Variants in MFSD11 observed in about 807,000 individuals in gnomAD.
MFSD11 encodes the protein UNC93-like protein MFSD11.
In MFSD11, 36 loss-of-function variants were observed where a neutral mutation model predicts 53.5. That is an observed-to-expected ratio of 0.67 (90% CI 0.52 to 0.89). The LOEUF is 0.89. Among genes scored for constraint, MFSD11 ranks in the 40% least tolerant of loss-of-function variants. The pLI is 0.00. For missense variants in MFSD11, 530 were observed against 543.9 expected, an observed-to-expected ratio of 0.97 and a Z score of 0.25; for synonymous variants, 186 against 184.9, an observed-to-expected ratio of 1.01 and a Z score of -0.05.
the MFSD11 span, among the ~76,000 whole-genome samples, chr17:76,803,264 A>C: frequency 1.3e-5 from 2 of 152,176 alleles, no homozygotes; most frequent in African/African-American, 4.8e-5. Context: ...TGACCTAACC[A>C]ACTCCATCTT....
chr17:76,774,879 T>C, intron 10 of MFSD11, 118 bp from the exon 11 acceptor site: 1 of 1,056,072 alleles, frequency 9.5e-7, no homozygotes, highest in Non-Finnish European at 1.4e-6. Context: ...GGTGTTGGGT[T>C]TTTTGAAGAA....
At chr17:76,737,342 C>A, upstream of MFSD11, 2 of 757,332 alleles carry the variant, frequency 2.6e-6, no homozygotes, top group Non-Finnish European at 4.0e-6. Flanking sequence ...GGGCGGGCAG[C>A]CGGCCTCTGC....
intron 7 of MFSD11, 73 bp downstream of exon 7, chr17:76,744,539 C>A: frequency 7.3e-7 from 1 of 1,372,076 alleles, no homozygotes; most frequent in African/African-American, 1.5e-5. Flanking sequence ...ATTACCAACC[C>A]GTTTAGCCCT....
chr17:76,742,717 G>C (rs957713239), intron 5 of MFSD11, among the ~76,000 whole-genome samples: 4 of 152,062 alleles, frequency 2.6e-5, no homozygotes, highest in African/African-American at 9.7e-5. Flanking sequence ...TGTTGGCCAG[G>C]CTGGTCTCGA....
chr17:76,741,095 C>T (rs2078041149), intron 3 of MFSD11, 31 bp downstream of exon 3: 1 of 1,236,838 alleles, frequency 8.1e-7, no homozygotes, highest in African/African-American at 1.5e-5. Context: ...CTTATTTAAT[C>T]AGAACACTTG....
chr17:76,736,707 G>C, upstream of MFSD11: 2 of 1,330,690 alleles, frequency 1.5e-6, no homozygotes, highest in East Asian at 3.0e-5. Flanking sequence ...GTCCGGGCCC[G>C]CACCACGTGC....
chr17:76,743,152 T>G (rs1055036977), intron 5 of MFSD11, among the ~76,000 whole-genome samples: 1 of 152,160 alleles, frequency 6.6e-6, no homozygotes, highest in Non-Finnish European at 1.5e-5. Context: ...CAATTCTTCT[T>G]TGAAGGGTGC....
At chr17:76,794,646 A>AG in the MFSD11 span, among the ~76,000 whole-genome samples, 1 of 146,316 alleles carries the variant, frequency 6.8e-6, no homozygotes, top group South Asian at 2.1e-4. Context: ...TGTCTCAAAA[A>AG]AAAAAAAAAA....
At position 76,744,488 on chromosome 17, in the gene MFSD11, A is replaced by G. The variant is rs758241425; in HGVS notation, c.641+22A>G. On this transcript the variant is annotated intron_variant, in intron 7 of 12. Transcript: ENST00000685175. ...ACGAGTAAGATGTTGGAAACATTCT[A>G]TTTTATTTTAAAATAGATTTTGAGT... 5 of 1,598,692 alleles carry G rather than the reference A, an allele frequency of 3.1e-6. 1 individual carries two copies. The highest frequency in any genetic ancestry group is 2.2e-5 in the East Asian group (1 of 44,770).
At chr17:76,789,056 C>T in the MFSD11 span, among the ~76,000 whole-genome samples, 2 of 149,718 alleles carry the variant, frequency 1.3e-5, no homozygotes, top group Non-Finnish European at 1.5e-5. Flanking sequence ...GCAGGAGAAT[C>T]GCTTGAACCC....
At chr17:76,742,404 A>G (rs1848414301) in intron 5 of MFSD11, 131 bp downstream of exon 5, 1 of 722,644 alleles carries the variant, frequency 1.4e-6, no homozygotes, top group South Asian at 1.9e-5. Context: ...ATGTGACGTG[A>G]TTCCAATTTT....
At chr17:76,788,864 G>A in the MFSD11 span, among the ~76,000 whole-genome samples, 13 of 147,898 alleles carry the variant, frequency 8.8e-5, no homozygotes, top group South Asian at 2.3e-4. Context: ...AAATAAGATC[G>A]GACGTGGTGG....
In MFSD11 at chr17:76,776,629, TTTAATTTTTATTTA is replaced by T. The variant is rs1418682910; in HGVS notation, c.1185+91_1185+104del. Reference sequence around the variant, plus strand: ...TTTCCTTGGTTACTTGTATTGTGGTTTTAATTTTTATTTATTTATTTTTATTTTTTTGATAGAGT... The same window carrying T: ...TTTCCTTGGTTACTTGTATTGTGGTTTTTATTTTTATTTTTTTGATAGAGT... On this transcript the variant is annotated intron_variant, in intron 12 of 12. Coordinates refer to ENST00000685175, the MANE Select transcript of MFSD11 (RefSeq NM_001242532.5). This position sits in a 1 kb window ranked among gnomAD's most constrained non-coding sequence, Gnocchi z 4.2. 1 of 1,239,156 alleles carries T rather than the reference TTTAATTTTTATTTA, an allele frequency of 8.1e-7. No individual in the cohort carries two copies. Among genetic ancestry groups the T allele is most frequent in the Non-Finnish European group, 1.1e-6 (1 of 919,534 alleles). The allele number at this position is 1,239,156 out of a possible 1,614,324, so 76.8% of individuals were successfully genotyped here.
intron 5 of MFSD11, 28 bp from the exon 6 acceptor site, chr17:76,743,369 AC>A (rs772672741): frequency 7.0e-7 from 1 of 1,423,492 alleles, no homozygotes; most frequent in Non-Finnish European, 9.7e-7. Context: ...TAATTACCCA[AC>A]ATCCTATCCT....
rs555422186 is a variant in MFSD11 at position 76,770,124 on chromosome 17, G to A, written c.874+253G>A. Among the ~76,000 whole-genome samples the A allele has an allele frequency of 4.1e-5, 6 of 147,416 alleles. No homozygotes were observed. In the South Asian group the frequency reaches 1.3e-3, roughly 32 times the overall value. On this transcript the variant is annotated intron_variant, in intron 10 of 12. Coordinates refer to ENST00000685175, the MANE Select transcript of MFSD11 (RefSeq NM_001242532.5). ...GCGATCTCAGCTCACTGCAAGCTCCGCCTCCCGGGTTCACGCCATTCTTCT... is the reference window on the plus strand; with the variant it reads ...GCGATCTCAGCTCACTGCAAGCTCCACCTCCCGGGTTCACGCCATTCTTCT...
downstream of MFSD11, among the ~76,000 whole-genome samples, chr17:76,783,708 G>A (rs1051259211): frequency 6.6e-6 from 1 of 152,092 alleles, no homozygotes; most frequent in African/African-American, 2.4e-5. Flanking sequence ...ACAGATGCCT[G>A]CCACCACGCC....
At chr17:76,800,220 G>C in the MFSD11 span, among the ~76,000 whole-genome samples, 4 of 152,168 alleles carry the variant, frequency 2.6e-5, no homozygotes, top group Non-Finnish European at 1.5e-5. Context: ...CTCCCAAAGT[G>C]ATGGGATTAC....
intron 8 of MFSD11, among the ~76,000 whole-genome samples, chr17:76,765,854 A>G (rs372216390): frequency 5.3e-5 from 8 of 151,872 alleles, no homozygotes; most frequent in African/African-American, 1.9e-4. Context: ...AACTGGGCAG[A>G]AAGTAGAGTT....
At chr17:76,737,344 G>C (rs1231964625), upstream of MFSD11, 6 of 754,468 alleles carry the variant, frequency 8.0e-6, no homozygotes, top group Non-Finnish European at 4.0e-6. Flanking sequence ...GCGGGCAGCC[G>C]GCCTCTGCGC....
Sources: gnomAD v4.1 joint callset for allele counts (sites outside exome capture counted in the v4.1 genomes callset) on GRCh38, gnomAD v4.1.1 for gene constraint, Gnocchi (gnomAD v3.1) non-coding constraint, MANE v1.5 for transcripts, NCBI Gene and HGNC (gene_info 2026-07-23, HGNC 2026-07-21) for gene names.